Variants in CELSR1 observed in about 807,000 individuals in gnomAD.
CELSR1 encodes adhesion G protein-coupled receptor C1.
CELSR1 carries 110 observed loss-of-function variants against 249.1 expected under a neutral mutation model. The observed-to-expected ratio is 0.44, with a 90% CI of 0.38 to 0.52. CELSR1 has a LOEUF of 0.52. CELSR1 is among the 20% of genes least tolerant of loss of function. The pLI is 0.00. For synonymous variants in CELSR1, 2,113 were observed against 1,900.0 expected (o/e 1.11, Z -2.92); for missense variants, 4,109 against 4,296.4 (o/e 0.96, Z 1.22).
At position 46,484,629 on chromosome 22, in the gene CELSR1, C is replaced by T. The variant is rs974726567; in HGVS notation, c.3545-20284G>A. ...CATACCACGAGAGCTACCTGGCCCA[C>T]TCACTGCAGCACCTGTTTTGGCTGG... is the stretch of plus-strand genomic sequence containing the variant. On this transcript the variant is annotated intron_variant, in intron 1 of 34. Transcript: ENST00000674500. The surrounding 1 kb of genome is among the most constrained non-coding windows in gnomAD (Gnocchi z 4.5). Among the ~76,000 whole-genome samples, 4 of 147,350 alleles carry T rather than the reference C, an allele frequency of 2.7e-5. No homozygotes were observed. The highest frequency in any genetic ancestry group is 5.9e-5 in the Non-Finnish European group (4 of 67,260).
Position 46,436,402 on chromosome 22 carries a change from A to G in CELSR1, c.4407-113T>C, listed in dbSNP as rs2079661774. On this transcript the variant is annotated intron_variant, in intron 3 of 34. Coordinates refer to ENST00000674500, the MANE Select transcript of CELSR1 (RefSeq NM_001378328.1). The surrounding 1 kb of genome is among the most constrained non-coding windows in gnomAD (Gnocchi z 5.9). ...CAAGCACGTGGGGCTACGATTCAGG[A>G]AAGAATGGTGTCAGGCATGCGTCCT... 1.5e-6 allele frequency: 1 copy of G among 682,774 alleles called. No homozygotes were observed. Among genetic ancestry groups the G allele is most frequent in the South Asian group, 1.8e-5 (1 of 56,786 alleles). 42.3% of individuals were successfully genotyped at this position (682,774 alleles called of 1,614,324 possible). A position where few individuals can be genotyped will look rare whatever the true frequency, so the allele number is the denominator to read the frequency against.
Position 46,485,000 on chromosome 22 carries a change from A to C in CELSR1, c.3545-20655T>G, listed in dbSNP as rs902952235. ...GAGAAAATTCCAGTCCTAAATTTCAAGAGACTGATTCAGCATGACATTAGA... is the reference window on the plus strand; with the variant it reads ...GAGAAAATTCCAGTCCTAAATTTCACGAGACTGATTCAGCATGACATTAGA... On this transcript the variant is annotated intron_variant, in intron 1 of 34. Transcript: ENST00000674500. This position sits in a 1 kb window ranked among gnomAD's most constrained non-coding sequence, Gnocchi z 4.5. 5.3e-5 allele frequency among the ~76,000 whole-genome samples: 8 copies of C among 151,974 alleles called. No individual in the cohort carries two copies. The highest frequency in any genetic ancestry group is 1.7e-4 in the African/African-American group (7 of 41,380).
chr22:46,470,605 G>C (rs2080146123), intron 1 of CELSR1, among the ~76,000 whole-genome samples: 1 of 152,048 alleles, frequency 6.6e-6, no homozygotes, highest in Non-Finnish European at 1.5e-5. Flanking sequence ...AATCTCCTTC[G>C]AGACCACGGG....
intron 1 of CELSR1, among the ~76,000 whole-genome samples, chr22:46,501,068 C>G (rs1472109450): frequency 6.6e-6 from 1 of 151,892 alleles, no homozygotes; most frequent in Non-Finnish European, 1.5e-5. Flanking sequence ...GAGTCTTGCT[C>G]TGTCACCCAG....
Position 46,464,400 on chromosome 22 carries a change from T to G in CELSR1, c.3545-55A>C. ...CAGATGCTGCGGGAGTCACAGGTCCTATAGGCCCCATCCCAGGAGCAGCCT... is the reference window on the plus strand; with the variant it reads ...CAGATGCTGCGGGAGTCACAGGTCCGATAGGCCCCATCCCAGGAGCAGCCT... On this transcript the variant is annotated intron_variant, in intron 1 of 34. Coordinates refer to ENST00000674500, the MANE Select transcript of CELSR1 (RefSeq NM_001378328.1). This position sits in a 1 kb window ranked among gnomAD's most constrained non-coding sequence, Gnocchi z 8.5. The G allele has an allele frequency of 6.4e-7, 1 of 1,554,924 alleles. No homozygotes were observed. The highest frequency in any genetic ancestry group is 1.2e-5 in the South Asian group (1 of 82,338).
intron 20 of CELSR1, among the ~76,000 whole-genome samples, chr22:46,382,876 C>A (rs1180858052): frequency 5.3e-5 from 8 of 152,160 alleles, no homozygotes; most frequent in Non-Finnish European, 1.5e-5. Flanking sequence ...GAACGGTAGG[C>A]ACCAGGGGCT....
chr22:46,409,240 G>C lies in CELSR1; in HGVS notation c.5060-78C>G, dbSNP rs186484244. On this transcript the variant is annotated intron_variant, in intron 8 of 34. Transcript: ENST00000674500. This position sits in a 1 kb window ranked among gnomAD's most constrained non-coding sequence, Gnocchi z 9.8. ...GGACTTGGCTGCAGGGGCGGGGGAT[G>C]GGCCTGCAGGCTAGGCCTGGGCCTT... 2,264 of 1,491,168 alleles carry C rather than the reference G, an allele frequency of 1.5e-3. 2 individuals carry two copies. Among genetic ancestry groups the C allele is most frequent in the Admixed American group, 2.1e-3 (110 of 53,108 alleles). The allele number at this position is 1,491,168 out of a possible 1,614,324, so 92.4% of individuals were successfully genotyped here. A position where few individuals can be genotyped will look rare whatever the true frequency, so the allele number is the denominator to read the frequency against.
intron 1 of CELSR1, among the ~76,000 whole-genome samples, chr22:46,531,252 C>G (rs2080789323): frequency 6.6e-6 from 1 of 152,066 alleles, no homozygotes; most frequent in Non-Finnish European, 1.5e-5. Flanking sequence ...GTCACCCAGG[C>G]TACAGTGCAG....
At chr22:46,426,706 G>A (rs1350406464) in intron 5 of CELSR1, among the ~76,000 whole-genome samples, 2 of 152,200 alleles carry the variant, frequency 1.3e-5, no homozygotes, top group African/African-American at 4.8e-5. Context: ...GGCCCTTTAG[G>A]AGGTGGTAAA....
chr22:46,372,608 C>T (rs954291829), intron 25 of CELSR1, among the ~76,000 whole-genome samples: 4 of 151,294 alleles, frequency 2.6e-5, no homozygotes, highest in Non-Finnish European at 4.4e-5. Flanking sequence ...CATGTGTAGA[C>T]GTGGAACTTT....
chr22:46,513,620 G>GCT (rs2080595844), intron 1 of CELSR1, among the ~76,000 whole-genome samples: 2 of 152,066 alleles, frequency 1.3e-5, no homozygotes, highest in Non-Finnish European at 2.9e-5. Flanking sequence ...GTGCACCAGG[G>GCT]ATAGGAGTCC....
intron 5 of CELSR1, among the ~76,000 whole-genome samples, chr22:46,426,171 C>G (rs999968563): frequency 1.0e-5 from 1 of 98,094 alleles, no homozygotes; most frequent in Non-Finnish European, 2.0e-5. Context: ...GAAGCTGCAG[C>G]CTGGTGAGGT....
At position 46,464,068 on chromosome 22, in the gene CELSR1, G is replaced by A; in HGVS notation, c.3822C>T (p.Phe1274=). 10 of 1,613,814 alleles carry A rather than the reference G, an allele frequency of 6.2e-6. No individual in the cohort carries two copies. The highest frequency in any genetic ancestry group is 8.5e-6 in the Non-Finnish European group (10 of 1,180,048). ...ALLPGGVRGQ[F]FPSEDLQEQI... is the part of the protein sequence containing the mutation. ...GCTCCTGCAGGTCCTCCGACGGGAA[G>A]AACTGGCCGCGGACGCCGCCAGGCA... The change falls in exon 2 of 35, where the codon TTC becomes TTT. Residue 1274 remains phenylalanine, a synonymous_variant. Transcript: ENST00000674500. The surrounding 1 kb of genome is among the most constrained non-coding windows in gnomAD (Gnocchi z 8.5).
rs140387141 is a variant in CELSR1 at position 46,535,227 on chromosome 22, C to T, written c.1944G>A (p.Glu648=). 8.4e-5 allele frequency: 135 copies of T among 1,609,892 alleles called. 2 individuals are homozygous for T. In the African/African-American group the frequency reaches 1.6e-3, roughly 19 times the overall value. Residue 648 remains glutamate (E), a synonymous_variant, in exon 1 of 35, where the codon GAG becomes GAA. Transcript: ENST00000674500. ...CCCCGAAGCTGTAGTGCTCCACCTC[C>T]TCGCGGTCCAGCTCGGCACACACTG... The part of the protein sequence containing the change: ...WITVCAELDR[E]EVEHYSFGVE...
intron 1 of CELSR1, among the ~76,000 whole-genome samples, chr22:46,478,266 C>T (rs1275713146): frequency 3.3e-5 from 5 of 152,206 alleles, no homozygotes; most frequent in Admixed American, 6.5e-5. Flanking sequence ...ACGGGCTGGG[C>T]CAAAGGGGAG....
intron 5 of CELSR1, among the ~76,000 whole-genome samples, chr22:46,415,019 G>A (rs966134412): frequency 9.9e-5 from 15 of 152,166 alleles, no homozygotes; most frequent in Admixed American, 5.2e-4. Context: ...AGCCAGACAC[G>A]AAAGGCCATG....
chr22:46,394,056 A>T, intron 14 of CELSR1, 86 bp downstream of exon 14: 1 of 1,510,328 alleles, frequency 6.6e-7, no homozygotes. Flanking sequence ...CCGACAGGGT[A>T]TGTGAAGGCG....
At position 46,391,254 on chromosome 22, in the gene CELSR1, G is replaced by A; in HGVS notation, c.6182C>T (p.Ala2061Val). The change falls in exon 16 of 35, where the codon GCC becomes GTC. Residue 2061 changes from alanine to valine, a missense_variant. This residue lies in a region of CELSR1 where 1,805 missense variants were observed against 1,831.6 expected (regional missense o/e 0.99). Coordinates refer to ENST00000674500, the MANE Select transcript of CELSR1 (RefSeq NM_001378328.1). The surrounding 1 kb of genome is among the most constrained non-coding windows in gnomAD (Gnocchi z 4.3). Reference protein sequence around the residue: ...IYNGCPKAFEAGIWWPQTKFG... With the variant: ...IYNGCPKAFEVGIWWPQTKFG... Reference sequence around the variant, plus strand: ...CTTGGTCTGTGGCCACCAGATGCCGGCCTCAAATGCTTTGGGACAGCCATT... The same window carrying A: ...CTTGGTCTGTGGCCACCAGATGCCGACCTCAAATGCTTTGGGACAGCCATT... 6.2e-7 allele frequency: 1 copy of A among 1,613,692 alleles called. No homozygotes were observed. Among genetic ancestry groups the A allele is most frequent in the Non-Finnish European group, 8.5e-7 (1 of 1,180,002 alleles).
In CELSR1 at chr22:46,490,623, G is replaced by A. The variant is rs939159725; in HGVS notation, c.3545-26278C>T. Among the ~76,000 whole-genome samples the A allele has an allele frequency of 4.6e-5, 7 of 152,098 alleles. No homozygotes were observed. The highest frequency in any genetic ancestry group is 1.3e-4 in the Admixed American group (2 of 15,278). ...GGGAAATGTTCTAAGCAGAGTGAGC[G>A]TCGTGGAGCCTCCCTCAGGCATGGC... On this transcript the variant is annotated intron_variant, in intron 1 of 34. Transcript: ENST00000674500. The surrounding 1 kb of genome is among the most constrained non-coding windows in gnomAD (Gnocchi z 5.2).
Sources: allele counts gnomAD v4.1 joint callset (sites outside exome capture counted in the v4.1 genomes callset), GRCh38; gene constraint gnomAD v4.1.1; regional missense constraint gnomAD v4.1.1; non-coding constraint Gnocchi (gnomAD v3.1); transcripts MANE v1.5; gene names NCBI Gene and HGNC (gene_info 2026-07-23, HGNC 2026-07-21).